Variants in DENND2B observed in about 807,000 individuals in gnomAD.
The protein encoded by DENND2B is DENN domain-containing protein 2B.
In DENND2B, 32 loss-of-function variants were observed where a neutral mutation model predicts 116.0. That is an observed-to-expected ratio of 0.28 (90% confidence interval 0.21 to 0.37). The LOEUF (loss-of-function observed/expected upper bound fraction) is 0.37. Ranked by LOEUF, DENND2B falls within the 10% of genes least tolerant of loss-of-function variation. The pLI is 1.00. For synonymous variants in DENND2B, 588 were observed against 583.9 expected, an observed-to-expected ratio of 1.01 and a Z score of -0.10; for missense variants, 1,276 against 1,477.7, an observed-to-expected ratio of 0.86 and a Z score of 2.24.
chr11:8,849,038 A>G (rs1393932410), intron 3 of DENND2B, among the ~76,000 whole-genome samples: 1 of 149,706 alleles, frequency 6.7e-6, no homozygotes, highest in Non-Finnish European at 1.5e-5. Flanking sequence ...CTAAATTTCA[A>G]TCGGGGTGGA....
intron 1 of DENND2B, among the ~76,000 whole-genome samples, chr11:8,752,791 G>A (rs115643214): frequency 0.02 from 2,976 of 151,974 alleles, 106 homozygotes; most frequent in African/African-American, 0.067. Flanking sequence ...AAAATTTAAG[G>A]GTACATTTGG....
rs768704024 is a variant in DENND2B at position 8,694,100 on chromosome 11, T to C, written c.3410A>G (p.Asn1137Ser). The change falls in exon 20 of 20, where the codon AAT becomes AGT. Residue 1137 changes from asparagine to serine, a missense_variant. Physicochemically the swap from Asn to Ser is conservative, Grantham distance 46. Around this residue, in one of 2 missense-constraint regions of DENND2B, gnomAD observed 420 missense variants for 631.1 expected, o/e 0.67. Coordinates refer to ENST00000313726, the MANE Select transcript of DENND2B (RefSeq NM_213618.2). ...GNKMKFLHKK[N>S] ...CTCTGCTACTGAGAAGGAGGCTTAA[T>C]TCTTCTTGTGGAGAAACTTCATTTT... 32 of 1,614,052 alleles carry C rather than the reference T, an allele frequency of 2.0e-5. No individual in the cohort carries two copies. The highest frequency in any genetic ancestry group is 2.6e-5 in the Non-Finnish European group (31 of 1,180,030).
chr11:8,801,689 A>AAAAAGAAAG (rs56084309), intron 1 of DENND2B, among the ~76,000 whole-genome samples: 54,680 of 117,310 alleles, frequency 0.47, 13,581 homozygotes, highest in Middle Eastern at 0.59. Context: ...AAAAAAAAAA[A>AAAAAGAAAG]AAAGAAAGAA....
intron 1 of DENND2B, among the ~76,000 whole-genome samples, chr11:8,787,568 A>G (rs2059025481): frequency 6.6e-6 from 1 of 152,196 alleles, no homozygotes. Flanking sequence ...TCTCAACACT[A>G]AAACTCATAA....
intron 13 of DENND2B, 105 bp downstream of exon 13, chr11:8,706,980 G>A: frequency 7.1e-7 from 1 of 1,416,470 alleles, no homozygotes; most frequent in South Asian, 1.4e-5. Flanking sequence ...GGTTGAGCAA[G>A]GAGGGACCGT....
intron 1 of DENND2B, among the ~76,000 whole-genome samples, chr11:8,806,570 A>T (rs1010031750): frequency 1.9e-5 from 2 of 106,218 alleles, no homozygotes; most frequent in African/African-American, 6.5e-5. Context: ...CAATAAGGTA[A>T]TCTAGACTCA....
intron 13 of DENND2B, among the ~76,000 whole-genome samples, chr11:8,704,563 T>C (rs2042263932): frequency 6.6e-6 from 1 of 152,222 alleles, no homozygotes; most frequent in Non-Finnish European, 1.5e-5. Context: ...AAGCTAGGAT[T>C]TGCCACTGCT....
chr11:8,769,159 T>C (rs1446374010), intron 1 of DENND2B, among the ~76,000 whole-genome samples: 9 of 152,060 alleles, frequency 5.9e-5, no homozygotes, highest in Non-Finnish European at 1.5e-5. Flanking sequence ...GCTGACACAT[T>C]TGTGTATCTA....
intron 3 of DENND2B, among the ~76,000 whole-genome samples, chr11:8,729,081 T>C (rs1285951569): frequency 6.6e-6 from 1 of 152,092 alleles, no homozygotes; most frequent in Non-Finnish European, 1.5e-5. Context: ...AGATGGGATA[T>C]GTTAGATGAA....
intron 1 of DENND2B, among the ~76,000 whole-genome samples, chr11:8,773,591 T>C (rs1233958837): frequency 6.6e-6 from 1 of 152,118 alleles, no homozygotes; most frequent in African/African-American, 2.4e-5. Flanking sequence ...GGCATTTGAC[T>C]CTGAAACTAG....
At chr11:8,864,509 A>AG (rs2063512522) in intron 2 of DENND2B, among the ~76,000 whole-genome samples, 1 of 152,146 alleles carries the variant, frequency 6.6e-6, no homozygotes, top group African/African-American at 2.4e-5. Context: ...GCTTCAAGCA[A>AG]TCCTCCCAAT....
chr11:8,782,826 G>A (rs1426617665), intron 1 of DENND2B, among the ~76,000 whole-genome samples: 2 of 147,650 alleles, frequency 1.4e-5, no homozygotes, highest in Non-Finnish European at 1.5e-5. Flanking sequence ...AGCAGAGCTT[G>A]CAGTGAGCCG....
chr11:8,794,858 T>TC, intron 1 of DENND2B: 1 of 152,416 alleles, frequency 6.6e-6, no homozygotes, highest in South Asian at 2.1e-4. Flanking sequence ...ATCCTTCCCC[T>TC]CTTCCAGGTG....
chr11:8,773,327 C>A (rs1415432327), intron 1 of DENND2B, among the ~76,000 whole-genome samples: 1 of 152,168 alleles, frequency 6.6e-6, no homozygotes, highest in Admixed American at 6.5e-5. Flanking sequence ...TGGCACCATA[C>A]AAGGACAGAC....
At position 8,909,383 on chromosome 11, in the gene DENND2B, AGAAGAAG is replaced by A. The variant is rs1437874565; in HGVS notation, c.-256+1431_-256+1437del. 8.8e-4 allele frequency among the ~76,000 whole-genome samples: 133 copies of A among 151,690 alleles called. 1 individual carries two copies. The highest frequency in any genetic ancestry group is 3.4e-3 in the Middle Eastern group (1 of 294). On this transcript the variant is annotated intron_variant, in intron 1 of 22. Coordinates refer to the DENND2B transcript ENST00000534127. The stretch of plus-strand genomic sequence containing the variant: ...TCGTTTCTTTATTAAACAAAAAAGA[AGAAGAAG>A]GAAGAAGGAAGAAGAGGAAGAAGAG...
chr11:8,906,670 G>A (rs2064243007), intron 1 of DENND2B, among the ~76,000 whole-genome samples: 1 of 152,036 alleles, frequency 6.6e-6, no homozygotes, highest in South Asian at 2.1e-4. Context: ...TAAACAGATT[G>A]TGAAAGTTAA....
intron 1 of DENND2B, among the ~76,000 whole-genome samples, chr11:8,896,614 A>G (rs2064105034): frequency 6.6e-6 from 1 of 152,250 alleles, no homozygotes. Flanking sequence ...TGCAAAAGCA[A>G]TATACATTCA....
intron 1 of DENND2B, among the ~76,000 whole-genome samples, chr11:8,893,835 T>C (rs1240523771): frequency 6.6e-6 from 1 of 152,060 alleles, no homozygotes; most frequent in East Asian, 1.9e-4. Flanking sequence ...AGGTAATTTA[T>C]AGATTCAATG....
At chr11:8,772,613 G>T (rs1275292373) in intron 1 of DENND2B, among the ~76,000 whole-genome samples, 1 of 152,084 alleles carries the variant, frequency 6.6e-6, no homozygotes, top group African/African-American at 2.4e-5. Flanking sequence ...GAGTGTGGGT[G>T]TGTGTGAGAG....
Sources: allele counts gnomAD v4.1 joint callset (sites outside exome capture counted in the v4.1 genomes callset), GRCh38; gene constraint gnomAD v4.1.1; regional missense constraint gnomAD v4.1.1; transcripts MANE v1.5; gene names NCBI Gene and HGNC (gene_info 2026-07-23, HGNC 2026-07-21).